The following WDR33 variants were observed in gnomAD, a reference collection of about 807,000 sequenced individuals.
WDR33 encodes pre-mRNA 3' end processing protein WDR33.
In WDR33, 47 loss-of-function variants were observed where a neutral mutation model predicts 164.9. The ratio of observed to expected loss-of-function variants is 0.29; its 90% CI spans 0.23 to 0.36. The LOEUF is 0.36. Ranked by LOEUF, WDR33 falls within the 10% of genes least tolerant of loss-of-function variation. The pLI is 1.00. For synonymous variants in WDR33, 505 were observed against 589.0 expected, an observed-to-expected ratio of 0.86 and a Z score of 2.06; for missense variants, 1,137 against 1,754.1, an observed-to-expected ratio of 0.65 and a Z score of 6.28.
rs373594035 is a variant in WDR33, at chr2:127,713,596, G to A, written c.3295C>T (p.Arg1099Cys). Residue 1099 changes from arginine to cysteine, a missense_variant, in exon 18 of 22, where the codon CGC becomes TGC. By Grantham distance (180) the Arg-to-Cys change is radical. Transcript: ENST00000322313. This position sits in a 1 kb window ranked among gnomAD's most constrained non-coding sequence, Gnocchi z 6.2. ...TATCTGTCCCACCTTTCTTCTCTGC[G>A]CCCTCGAAAACGTGGGTCCTCGGGA... ...RDPEDPRFRGRREESFRRGAP... is the reference protein window; with the variant it reads ...RDPEDPRFRGCREESFRRGAP... 27 of 1,614,078 alleles carry A rather than the reference G, an allele frequency of 1.7e-5. No homozygotes were observed. The highest frequency in any genetic ancestry group is 1.6e-4 in the Middle Eastern group (1 of 6,078).
intron 7 of WDR33, among the ~76,000 whole-genome samples, chr2:127,752,127 T>C (rs1417215926): frequency 6.6e-6 from 1 of 152,246 alleles, no homozygotes; most frequent in Non-Finnish European, 1.5e-5. Flanking sequence ...GCTGACACAT[T>C]ACTCATCCAA....
Position 127,722,516 on chromosome 2 carries a change from G to C in WDR33, c.1518+75C>G, listed in dbSNP as rs1686465013. 2.6e-6 allele frequency: 4 copies of C among 1,560,392 alleles called. No individual in the cohort carries two copies. Among genetic ancestry groups the C allele is most frequent in the Non-Finnish European group, 3.5e-6 (4 of 1,155,658 alleles). ...AGTACAGAAACACCTTCAACAGTGA[G>C]ATAATCCAAGAGAAACCTCAAACTA... On this transcript the variant is annotated intron_variant, in intron 14 of 21. Transcript: ENST00000322313. This position sits in a 1 kb window ranked among gnomAD's most constrained non-coding sequence, Gnocchi z 5.1.
chr2:127,755,840 G>A (rs1051000660), intron 7 of WDR33, among the ~76,000 whole-genome samples: 12 of 152,180 alleles, frequency 7.9e-5, no homozygotes, highest in Non-Finnish European at 1.8e-4. Context: ...CTGACAAGGA[G>A]TTCCTAAAAC....
rs1162156369 is a variant in WDR33, at chr2:127,716,572, G to A, written c.2869+583C>T. 1.3e-5 allele frequency among the ~76,000 whole-genome samples: 2 copies of A among 152,210 alleles called. No homozygotes were observed. The highest frequency in any genetic ancestry group is 2.9e-5 in the Non-Finnish European group (2 of 68,024). The stretch of plus-strand genomic sequence containing the variant: ...CCCATCTCAGGGGCCATGGTGCCCT[G>A]CGTGCTCTCCTTCAACCCTTAGGAT... On this transcript the variant is annotated intron_variant, in intron 17 of 21. Coordinates refer to ENST00000322313, the MANE Select transcript of WDR33 (RefSeq NM_018383.5). The surrounding 1 kb of genome is among the most constrained non-coding windows in gnomAD (Gnocchi z 4.5).
chr2:127,719,607 C>T lies in WDR33; in HGVS notation c.2418G>A (p.Pro806=), dbSNP rs774445137. The T allele has an allele frequency of 6.8e-6, 11 of 1,613,706 alleles. No individual in the cohort carries two copies. Among genetic ancestry groups the T allele is most frequent in the African/African-American group, 5.3e-5 (4 of 74,860 alleles). Residue 806 remains proline, a synonymous_variant, in exon 16 of 22, where the codon CCG becomes CCA. Coordinates refer to ENST00000322313, the MANE Select transcript of WDR33 (RefSeq NM_018383.5). The surrounding 1 kb of genome is among the most constrained non-coding windows in gnomAD (Gnocchi z 6.5). Reference sequence around the variant, plus strand: ...GGTGAGGTCCTCTCATCTCTTGAGGCGGGTGGCCCATAATCATCCCTTGGG... The same window carrying T: ...GGTGAGGTCCTCTCATCTCTTGAGGTGGGTGGCCCATAATCATCCCTTGGG... The part of the protein sequence containing the change: ...PAPQGMIMGH[P]PQEMRGPHPP...
chr2:127,719,605 G>T lies in WDR33; in HGVS notation c.2420C>A (p.Pro807His). The stretch of plus-strand genomic sequence containing the variant: ...AGGGTGAGGTCCTCTCATCTCTTGA[G>T]GCGGGTGGCCCATAATCATCCCTTG... ...APQGMIMGHP[P>H]QEMRGPHPPG... Residue 807 changes from proline to histidine, a missense_variant, in exon 16 of 22, where the codon CCT (proline) becomes CAT (histidine). Pro to His is a moderately conservative substitution (Grantham distance 77). Transcript: ENST00000322313. This position sits in a 1 kb window ranked among gnomAD's most constrained non-coding sequence, Gnocchi z 6.5. 1.2e-6 allele frequency: 2 copies of T among 1,613,880 alleles called. No individual in the cohort carries two copies. The highest frequency in any genetic ancestry group is 1.7e-6 in the Non-Finnish European group (2 of 1,179,972).
chr2:127,751,847 C>G (rs800863), intron 7 of WDR33, among the ~76,000 whole-genome samples: 125,536 of 152,022 alleles, frequency 0.83, 52,622 homozygotes, highest in East Asian at 0.97. Flanking sequence ...TAGAGTCACT[C>G]AATCAGACCC....
In WDR33 at chr2:127,724,789, A is replaced by T; in HGVS notation, c.1085+98T>A. On this transcript the variant is annotated intron_variant, in intron 10 of 21. Coordinates refer to ENST00000322313, the MANE Select transcript of WDR33 (RefSeq NM_018383.5). This position sits in a 1 kb window ranked among gnomAD's most constrained non-coding sequence, Gnocchi z 4.8. ...CTGCAAGCAGTCTCTGATATAGGAT[A>T]TATGAACACTTAGAAAAGCTACAAA... 1 of 1,332,084 alleles carries T rather than the reference A, an allele frequency of 7.5e-7. No individual in the cohort carries two copies. Among genetic ancestry groups the T allele is most frequent in the Non-Finnish European group, 1.1e-6 (1 of 926,782 alleles). The allele number at this position is 1,332,084 out of a possible 1,614,324, so 82.5% of individuals were successfully genotyped here.
chr2:127,770,616 G>A lies in WDR33; in HGVS notation c.204+162C>T, dbSNP rs1486816005. On this transcript the variant is annotated intron_variant, in intron 2 of 21. Transcript: ENST00000322313. The surrounding 1 kb of genome is among the most constrained non-coding windows in gnomAD (Gnocchi z 4.9). ...TGAGGCAGGAGAATCACTTGAACCC[G>A]GGAGGCAGAGGTTGCAGTGAGCCAA... Among the ~76,000 whole-genome samples, 1 of 151,888 alleles carries A rather than the reference G, an allele frequency of 6.6e-6. No homozygotes were observed. Among genetic ancestry groups the A allele is most frequent in the Admixed American group, 6.6e-5 (1 of 15,224 alleles).
intron 7 of WDR33, among the ~76,000 whole-genome samples, chr2:127,732,320 A>G (rs1686732283): frequency 6.6e-6 from 1 of 150,826 alleles, no homozygotes; most frequent in Non-Finnish European, 1.5e-5. Flanking sequence ...TTTTTTTGAG[A>G]CAGGGTTGCA....
intron 7 of WDR33, among the ~76,000 whole-genome samples, chr2:127,729,907 AT>A (rs2105389730): frequency 6.6e-6 from 1 of 152,366 alleles, no homozygotes; most frequent in South Asian, 2.1e-4. Context: ...AAGAAAATAT[AT>A]GAAAAAAGTA....
chr2:127,808,503 G>A (rs1689515897), intron 1 of WDR33, among the ~76,000 whole-genome samples: 1 of 152,222 alleles, frequency 6.6e-6, no homozygotes, highest in Non-Finnish European at 1.5e-5. Context: ...CCAGACAGAT[G>A]AGAGTAGCAC....
intron 1 of WDR33, among the ~76,000 whole-genome samples, chr2:127,787,503 C>T (rs1181593367): frequency 7.3e-6 from 1 of 137,544 alleles, no homozygotes; most frequent in Non-Finnish European, 1.6e-5. Context: ...CCCCCCACCT[C>T]CCTCCCGGAC....
intron 4 of WDR33, 140 bp from the exon 5 acceptor site, chr2:127,765,409 CAGA>C (rs764773811): frequency 2.8e-4 from 186 of 665,380 alleles, no homozygotes; most frequent in Non-Finnish European, 4.5e-4. Flanking sequence ...TCAGCTTTAT[CAGA>C]AGTACTTTGT....
At chr2:127,759,002 T>G (rs529119471) in intron 7 of WDR33, among the ~76,000 whole-genome samples, 2 of 152,242 alleles carry the variant, frequency 1.3e-5, no homozygotes, top group Non-Finnish European at 2.9e-5. Context: ...TAGTCTCGCA[T>G]ATTTCTCGTG....
rs13415590 is a variant in WDR33 at position 127,735,188 on chromosome 2, G to A, written c.725-8411C>T. ...CTGCTTTTTGACTATTCCCTTAAAG[G>A]AGGAGGTTCCCTGGCTTCTGTGAAA... On this transcript the variant is annotated intron_variant, in intron 7 of 21. Transcript: ENST00000322313. The surrounding 1 kb of genome is among the most constrained non-coding windows in gnomAD (Gnocchi z 4.3). 7.0e-3 allele frequency among the ~76,000 whole-genome samples: 1,068 copies of A among 152,266 alleles called. 10 individuals are homozygous for A. Among genetic ancestry groups the A allele is most frequent in the African/African-American group, 0.024 (1,016 of 41,532 alleles).
At chr2:127,759,815 A>G (rs946131894) in intron 7 of WDR33, among the ~76,000 whole-genome samples, 5 of 152,076 alleles carry the variant, frequency 3.3e-5, no homozygotes, top group African/African-American at 1.2e-4. Context: ...CCGAGGCAGG[A>G]GGATCCCTTG....
At position 127,738,920 on chromosome 2, in the gene WDR33, G is replaced by GA. The variant is rs1434310271; in HGVS notation, c.725-12144dup. ...GTGCTGAAATAGGGGGAAAAGTTTTGAATCTAGCATTCAATATCCAACCAG... is the reference window on the plus strand; with the variant it reads ...GTGCTGAAATAGGGGGAAAAGTTTTGAAATCTAGCATTCAATATCCAACCAG... On this transcript the variant is annotated intron_variant, in intron 7 of 21. Transcript: ENST00000322313. The surrounding 1 kb of genome is among the most constrained non-coding windows in gnomAD (Gnocchi z 4.4). Among the ~76,000 whole-genome samples, 2 of 152,152 alleles carry GA rather than the reference G, an allele frequency of 1.3e-5. No homozygotes were observed. Among genetic ancestry groups the GA allele is most frequent in the African/African-American group, 4.8e-5 (2 of 41,440 alleles).
rs1685907407 is a variant in WDR33, at chr2:127,702,125, ACTGGGTCGC to A, written c.*4189_*4197del. 5 of 1,219,096 alleles carry A rather than the reference ACTGGGTCGC, an allele frequency of 4.1e-6. No individual in the cohort carries two copies. The highest frequency in any genetic ancestry group is 5.1e-6 in the Non-Finnish European group (5 of 981,432). The allele number at this position is 1,219,096 out of a possible 1,614,324, so 75.5% of individuals were successfully genotyped here. A position where few individuals can be genotyped will look rare whatever the true frequency, so the allele number is the denominator to read the frequency against. Reference sequence around the variant, plus strand: ...GCGGCGGCACCGCGCTGCGCCTCGCACTGGGTCGCCTGGGCCGCGGCGCCGGCCTCGCCA... The same window carrying A: ...GCGGCGGCACCGCGCTGCGCCTCGCACTGGGCCGCGGCGCCGGCCTCGCCA... On this transcript the variant is annotated 3_prime_UTR_variant, in exon 22 of 22. Coordinates refer to ENST00000322313, the MANE Select transcript of WDR33 (RefSeq NM_018383.5).
Sources: allele counts gnomAD v4.1 joint callset (sites outside exome capture counted in the v4.1 genomes callset), GRCh38; gene constraint gnomAD v4.1.1; non-coding constraint Gnocchi (gnomAD v3.1); transcripts MANE v1.5; gene names NCBI Gene and HGNC (gene_info 2026-07-23, HGNC 2026-07-21).